Variants in PLEKHG7 observed in about 807,000 individuals in gnomAD.
The protein encoded by PLEKHG7 is pleckstrin homology domain-containing family G member 7.
In PLEKHG7, 77 loss-of-function variants were observed where a neutral mutation model predicts 85.2. The ratio of observed to expected loss-of-function variants is 0.90; its 90% CI spans 0.75 to 1.09. The LOEUF (loss-of-function observed/expected upper bound fraction) is 1.09. Ranked by LOEUF, PLEKHG7 falls within the 50% of genes least tolerant of loss-of-function variation. The probability of loss-of-function intolerance (pLI) is 0.00; values close to 1 mark genes in which losing one functional copy is unlikely to be tolerated. For missense variants in PLEKHG7, 777 were observed against 804.3 expected, an observed-to-expected ratio of 0.97 and a Z score of 0.41; for synonymous variants, 301 against 302.4, an observed-to-expected ratio of 1.00 and a Z score of 0.05.
intron 5 of PLEKHG7, 117 bp downstream of exon 5, chr12:92,732,390 G>T: frequency 1.7e-6 from 1 of 571,638 alleles, no homozygotes; most frequent in East Asian, 3.5e-5. Flanking sequence ...CAGATGGCAC[G>T]TGAAATATAA....
chr12:92,720,823 C>G (rs898988340), intron 3 of PLEKHG7, among the ~76,000 whole-genome samples: 1 of 152,108 alleles, frequency 6.6e-6, no homozygotes, highest in African/African-American at 2.4e-5. Flanking sequence ...AACCATTATA[C>G]CCCATTCTTT....
intron 11 of PLEKHG7, among the ~76,000 whole-genome samples, chr12:92,754,683 G>A (rs1033884713): frequency 7.2e-5 from 11 of 152,038 alleles, no homozygotes; most frequent in South Asian, 4.2e-4. Context: ...CGAAAGCCAG[G>A]GTCAATATGG....
At chr12:92,712,133 C>G (rs1228792723) in intron 3 of PLEKHG7, among the ~76,000 whole-genome samples, 1 of 152,170 alleles carries the variant, frequency 6.6e-6, no homozygotes, top group Non-Finnish European at 1.5e-5. Context: ...ACCAATAAGT[C>G]CAATGTATTT....
chr12:92,743,090 C>T (rs775506713), intron 9 of PLEKHG7, among the ~76,000 whole-genome samples: 13 of 152,130 alleles, frequency 8.5e-5, no homozygotes, highest in Non-Finnish European at 1.6e-4. Context: ...AGTTGTGCCA[C>T]GGTAGCAAAT....
At position 92,729,006 on chromosome 12, in the gene PLEKHG7, A is replaced by C. The variant is rs957144963; in HGVS notation, c.544A>C (p.Arg182=). The change falls in exon 4 of 17, where the codon AGG becomes CGG. Residue 182 remains arginine, a synonymous_variant. Coordinates refer to ENST00000344636, the MANE Select transcript of PLEKHG7 (RefSeq NM_001377329.1). ...ELHPSRFYEH[R]RSSVVLNLPG... is the part of the protein sequence containing the mutation. ...TCTTGAGCACAGGTTCTACGAGCAC[A>C]GGCGGAGTTCTGTGGTGCTGAACTT... 20 of 1,231,682 alleles carry C rather than the reference A, an allele frequency of 1.6e-5. No homozygotes were observed. In the Admixed American group the frequency reaches 1.7e-4, roughly 10 times the overall value. 76.3% of individuals were successfully genotyped at this position (1,231,682 alleles called of 1,614,324 possible).
rs115752910 is a variant in PLEKHG7, at chr12:92,754,264, C to T, written c.1426C>T (p.Arg476Trp). The T allele has an allele frequency of 5.0e-6, 8 of 1,613,210 alleles. No homozygotes were observed. Among genetic ancestry groups the T allele is most frequent in the East Asian group, 2.2e-5 (1 of 44,774 alleles). The part of the protein sequence containing the change: ...SIKEKVEKSI[R>W]DLEGKVKWLD... ...CAAGGAAAAGGTGGAAAAGTCCATC[C>T]GTAAGTCCCTGAGATAAGTGAGCTT... Residue 476 changes from arginine to tryptophan, a missense_variant and splice_region_variant, in exon 11 of 17, where the codon CGG (arginine) becomes TGG (tryptophan). Arg to Trp is a moderately radical substitution (Grantham distance 101). Around this residue, in one of 3 missense-constraint regions of PLEKHG7, gnomAD observed 520 missense variants for 544.0 expected, o/e 0.96. Transcript: ENST00000344636.
chr12:92,725,977 A>G (rs184726122), intron 3 of PLEKHG7, among the ~76,000 whole-genome samples: 134 of 152,300 alleles, frequency 8.8e-4, no homozygotes, highest in African/African-American at 2.8e-3. Context: ...CTTGGGGATG[A>G]GTATTTATAA....
At chr12:92,761,717 C>A (rs1873039426) in intron 13 of PLEKHG7, 35 bp from the exon 14 acceptor site, 5 of 1,534,602 alleles carry the variant, frequency 3.3e-6, no homozygotes, top group Admixed American at 2.3e-5. Flanking sequence ...TTAACAGTTT[C>A]AGGTCCCCAT....
intron 3 of PLEKHG7, among the ~76,000 whole-genome samples, chr12:92,708,878 G>A (rs1314443902): frequency 6.6e-6 from 1 of 152,214 alleles, no homozygotes; most frequent in East Asian, 1.9e-4. Context: ...ACATGGCAAA[G>A]TGTATGGATG....
intron 5 of PLEKHG7, among the ~76,000 whole-genome samples, chr12:92,734,012 T>G (rs1280747438): frequency 6.6e-6 from 1 of 152,130 alleles, no homozygotes; most frequent in East Asian, 1.9e-4. Flanking sequence ...ATGAGGGAGA[T>G]ACACAAAGGA....
intron 12 of PLEKHG7, 88 bp from the exon 13 acceptor site, chr12:92,756,210 T>C (rs1196980141): frequency 1.0e-6 from 1 of 965,506 alleles, no homozygotes; most frequent in Non-Finnish European, 1.6e-6. Context: ...ATGAACTTTC[T>C]AGATGGAGTT....
At chr12:92,760,724 A>C (rs1053249832) in intron 13 of PLEKHG7, among the ~76,000 whole-genome samples, 1 of 152,172 alleles carries the variant, frequency 6.6e-6, no homozygotes, top group Non-Finnish European at 1.5e-5. Context: ...TTCTACTACT[A>C]TTCCCTTCTT....
intron 3 of PLEKHG7, among the ~76,000 whole-genome samples, chr12:92,726,915 C>T (rs190376773): frequency 2.6e-4 from 39 of 152,302 alleles, no homozygotes; most frequent in Admixed American, 9.1e-4. Flanking sequence ...ACCATGATCA[C>T]CCCCATGGAT....
chr12:92,707,868 T>C lies in PLEKHG7; in HGVS notation c.530+196T>C, dbSNP rs938052279. 3.0e-5 allele frequency: 26 copies of C among 855,964 alleles called. No individual in the cohort carries two copies. The African/African-American group carries it at 3.2e-4, about 11-fold the overall frequency. 53.0% of individuals were successfully genotyped at this position (855,964 alleles called of 1,614,324 possible). A position where few individuals can be genotyped will look rare whatever the true frequency, so the allele number is the denominator to read the frequency against. Reference sequence around the variant, plus strand: ...GAGTCTCCCTTTAAGAGCACAGCATTTGGGGGCAGGATACAATGCCATATG... The same window carrying C: ...GAGTCTCCCTTTAAGAGCACAGCATCTGGGGGCAGGATACAATGCCATATG... On this transcript the variant is annotated intron_variant, in intron 3 of 16. Coordinates refer to ENST00000344636, the MANE Select transcript of PLEKHG7 (RefSeq NM_001377329.1).
chr12:92,731,653 C>A (rs571991585), intron 4 of PLEKHG7, among the ~76,000 whole-genome samples: 1 of 152,202 alleles, frequency 6.6e-6, no homozygotes, highest in South Asian at 2.1e-4. Flanking sequence ...TAACGGCTTC[C>A]TTCTCAAGTC....
chr12:92,740,702 T>C lies in PLEKHG7; in HGVS notation c.940-151T>C, dbSNP rs565608507. On this transcript the variant is annotated intron_variant, in intron 7 of 16. Transcript: ENST00000344636. ...TTTGAAGCTTAAATGTGACCATTTGTCTTGAGTATAACATTTAAACCTTGA... is the reference window on the plus strand; with the variant it reads ...TTTGAAGCTTAAATGTGACCATTTGCCTTGAGTATAACATTTAAACCTTGA... 1.7e-5 allele frequency: 10 copies of C among 587,738 alleles called. No individual in the cohort carries two copies. In the South Asian group the frequency reaches 1.9e-4, roughly 11 times the overall value. 36.4% of individuals were successfully genotyped at this position (587,738 alleles called of 1,614,324 possible).
At chr12:92,750,908 T>C (rs12315311) in intron 10 of PLEKHG7, among the ~76,000 whole-genome samples, 229 of 151,826 alleles carry the variant, frequency 1.5e-3, no homozygotes, top group African/African-American at 5.4e-3. Context: ...CCACTGCACT[T>C]AGCCTGGGTG....
chr12:92,744,250 C>A (rs942062921), intron 9 of PLEKHG7, among the ~76,000 whole-genome samples: 3 of 152,152 alleles, frequency 2.0e-5, no homozygotes, highest in African/African-American at 7.2e-5. Context: ...TAATGCAGCC[C>A]ATGAGTTATT....
At chr12:92,758,889 C>T (rs886610441) in intron 13 of PLEKHG7, among the ~76,000 whole-genome samples, 11 of 152,120 alleles carry the variant, frequency 7.2e-5, no homozygotes, top group African/African-American at 2.7e-4. Flanking sequence ...GGTCTTTTGG[C>T]TAAGATCAAG....
Sources: allele counts gnomAD v4.1 joint callset (sites outside exome capture counted in the v4.1 genomes callset), GRCh38; gene constraint gnomAD v4.1.1; regional missense constraint gnomAD v4.1.1; transcripts MANE v1.5; gene names NCBI Gene and HGNC (gene_info 2026-07-23, HGNC 2026-07-21).